GLDC: variants seen among roughly 807,000 people sequenced by gnomAD.
GLDC encodes glycine decarboxylase, also known as glycine dehydrogenase (decarboxylating), mitochondrial.
GLDC carries 104 observed loss-of-function variants against 121.3 expected under a neutral mutation model. That is an observed-to-expected ratio of 0.86 (90% CI 0.73 to 1.01). The LOEUF is 1.01. GLDC is among the 50% of genes least tolerant of loss of function. GLDC has a pLI of 0.00. For missense variants in GLDC, 1,429 were observed against 1,306.6 expected, an observed-to-expected ratio of 1.09 and a Z score of -1.44; for synonymous variants, 546 against 480.6, an observed-to-expected ratio of 1.14 and a Z score of -1.78.
intron 22 of GLDC, among the ~76,000 whole-genome samples, chr9:6,539,246 G>C (rs1817201580): frequency 6.6e-6 from 1 of 152,118 alleles, no homozygotes; most frequent in Non-Finnish European, 1.5e-5. Context: ...CGGAGGCCGA[G>C]GTGGGTGGAT....
intron 5 of GLDC, chr9:6,606,262 T>C (rs1818729630): frequency 1.2e-5 from 4 of 329,420 alleles, no homozygotes; most frequent in South Asian, 1.1e-4. Flanking sequence ...TGAGCCTAGG[T>C]TCCCTCAACT....
intron 8 of GLDC, among the ~76,000 whole-genome samples, chr9:6,599,561 A>C (rs1446977665): frequency 4.0e-5 from 6 of 151,672 alleles, no homozygotes; most frequent in Non-Finnish European, 8.8e-5. Flanking sequence ...TCTCTACTAA[A>C]AATAGAAAAA....
At chr9:6,539,416 T>C (rs543680582) in intron 22 of GLDC, among the ~76,000 whole-genome samples, 1 of 151,956 alleles carries the variant, frequency 6.6e-6, no homozygotes, top group Non-Finnish European at 1.5e-5. Flanking sequence ...GAGGTGGAGG[T>C]TGCAGTGAGC....
intron 15 of GLDC, among the ~76,000 whole-genome samples, chr9:6,566,081 A>G (rs559258280): frequency 5.3e-5 from 8 of 152,268 alleles, no homozygotes; most frequent in African/African-American, 1.7e-4. Flanking sequence ...GTCTCCACTA[A>G]AAGTACAAAA....
At position 6,636,128 on chromosome 9, in the gene GLDC, C is replaced by A. The variant is rs2118655; in HGVS notation, c.334+8486G>T. ...GACCAGCCTGGCTAACATGGTGAAACCCCCGTCTCTACTAAAGATACAAAA... is the reference window on the plus strand; with the variant it reads ...GACCAGCCTGGCTAACATGGTGAAAACCCCGTCTCTACTAAAGATACAAAA... On this transcript the variant is annotated intron_variant, in intron 2 of 24. Transcript: ENST00000321612. Among the ~76,000 whole-genome samples, 583 of 151,768 alleles carry A rather than the reference C, an allele frequency of 3.8e-3. 3 individuals carry two copies. The highest frequency in any genetic ancestry group is 0.013 in the African/African-American group (521 of 41,388).
chr9:6,579,620 A>G (rs1169479504), intron 15 of GLDC, among the ~76,000 whole-genome samples: 1 of 151,964 alleles, frequency 6.6e-6, no homozygotes, highest in East Asian at 1.9e-4. Context: ...CAGCCTCCCA[A>G]AGTGCTGGGA....
intron 3 of GLDC, among the ~76,000 whole-genome samples, chr9:6,613,188 A>G (rs1258067518): frequency 6.6e-6 from 1 of 152,228 alleles, no homozygotes; most frequent in Non-Finnish European, 1.5e-5. Flanking sequence ...TGATTATGTT[A>G]TACATGTTCT....
intron 9 of GLDC, 183 bp from the exon 10 acceptor site, chr9:6,593,173 A>C: frequency 1.6e-6 from 1 of 628,448 alleles, no homozygotes; most frequent in South Asian, 1.9e-5. Flanking sequence ...ATTATGAAAT[A>C]CATATAAAAG....
At chr9:6,645,218 C>T in intron 1 of GLDC, 27 bp downstream of exon 1, 3 of 1,559,390 alleles carry the variant, frequency 1.9e-6, no homozygotes, top group Non-Finnish European at 2.6e-6. Flanking sequence ...GAGGGGAGGC[C>T]GCGGAGGGCC....
rs1441569703 is a variant in GLDC, at chr9:6,644,668, T to A, written c.280A>T (p.Thr94Ser). The A allele has an allele frequency of 6.2e-7, 1 of 1,613,214 alleles. No individual in the cohort carries two copies. The highest frequency in any genetic ancestry group is 1.7e-5 in the Admixed American group (1 of 60,018). Residue 94 changes from threonine (T) to serine (S), a missense_variant, in exon 2 of 25, where the codon ACG becomes TCG. By Grantham distance (58) the Thr-to-Ser change is moderately conservative. Transcript: ENST00000321612. The part of the protein sequence containing the change: ...LASIDELIEK[T>S]VPANIRLKRP... ...TTCAAACGGATGTTGGCAGGGACCG[T>A]CTTCTCGATCAATTCATCAATGCTC...
At chr9:6,569,875 C>A (rs1006012232) in intron 15 of GLDC, among the ~76,000 whole-genome samples, 1 of 152,018 alleles carries the variant, frequency 6.6e-6, no homozygotes, top group South Asian at 2.1e-4. Flanking sequence ...ACTTGGGAGG[C>A]TGAGGCAGGA....
chr9:6,588,821 G>A (rs1436750183), intron 12 of GLDC, 119 bp from the exon 13 acceptor site: 10 of 739,392 alleles, frequency 1.4e-5, no homozygotes, highest in Admixed American at 2.0e-5. Flanking sequence ...TTTTGGCCAC[G>A]GACAATATGT....
At chr9:6,600,146 T>C (rs1818575724) in intron 8 of GLDC, among the ~76,000 whole-genome samples, 1 of 152,148 alleles carries the variant, frequency 6.6e-6, no homozygotes, top group Admixed American at 6.5e-5. Flanking sequence ...ATAGGATCAC[T>C]TGAGCTCAGG....
chr9:6,581,773 C>T (rs1441994853), intron 15 of GLDC, among the ~76,000 whole-genome samples: 1 of 152,086 alleles, frequency 6.6e-6, no homozygotes, highest in Non-Finnish European at 1.5e-5. Flanking sequence ...CCAGAGAAGG[C>T]CACAGACATT....
In GLDC at chr9:6,620,279, G is replaced by A. The variant is rs750281192; in HGVS notation, c.375C>T (p.Ser125=). Reference sequence around the variant, plus strand: ...TATACGATCTCCAGATCTGGTTTTTGCTTGAAATGGCATGCAGAGTTGCAA... The same window carrying A: ...TATACGATCTCCAGATCTGGTTTTTACTTGAAATGGCATGCAGAGTTGCAA... The part of the protein sequence containing the change: ...EILATLHAIS[S]KNQIWRSYIG... Residue 125 remains serine (S), a synonymous_variant, in exon 3 of 25, where the codon AGC becomes AGT. Coordinates refer to ENST00000321612, the MANE Select transcript of GLDC (RefSeq NM_000170.3). 17 of 1,613,360 alleles carry A rather than the reference G, an allele frequency of 1.1e-5. No individual in the cohort carries two copies. The highest frequency in any genetic ancestry group is 1.3e-5 in the Non-Finnish European group (15 of 1,179,300).
chr9:6,541,496 G>A (rs1181799764), intron 21 of GLDC: 2 of 152,114 alleles, frequency 1.3e-5, no homozygotes, highest in Admixed American at 6.6e-5. Flanking sequence ...GACAGTCTAC[G>A]AACTGCTCTG....
intron 3 of GLDC, 51 bp downstream of exon 3, chr9:6,620,133 A>C (rs796572221): frequency 1.3e-6 from 2 of 1,573,618 alleles, no homozygotes; most frequent in South Asian, 2.2e-5. Flanking sequence ...GAGGATGGAG[A>C]GAATTATGCA....
At chr9:6,572,087 T>A (rs534560160) in intron 15 of GLDC, among the ~76,000 whole-genome samples, 1 of 152,226 alleles carries the variant, frequency 6.6e-6, no homozygotes, top group African/African-American at 2.4e-5. Context: ...ATGAAATTTC[T>A]GGGAAAAACA....
At chr9:6,554,243 A>T (rs2129717939) in intron 19 of GLDC, among the ~76,000 whole-genome samples, 1 of 152,260 alleles carries the variant, frequency 6.6e-6, no homozygotes, top group Non-Finnish European at 1.5e-5. Flanking sequence ...CTTATGTGTT[A>T]CTTATCTCAA....
Sources: allele counts gnomAD v4.1 joint callset (sites outside exome capture counted in the v4.1 genomes callset), GRCh38; gene constraint gnomAD v4.1.1; transcripts MANE v1.5; gene names NCBI Gene and HGNC (gene_info 2026-07-23, HGNC 2026-07-21).